The following POF1B variants were observed in gnomAD, a reference collection of about 807,000 sequenced individuals.
POF1B encodes POF1B actin binding protein.
A neutral mutation model predicts 55.3 loss-of-function variants in POF1B; 53 were observed. That is an observed-to-expected ratio of 0.96 (90% CI 0.77 to 1.20). The LOEUF (loss-of-function observed/expected upper bound fraction) is 1.20. Among genes scored for constraint, POF1B ranks in the 50% most tolerant of loss-of-function variants. The pLI, the probability that POF1B is intolerant of heterozygous loss-of-function variation, is 0.00. For missense variants in POF1B, 478 were observed against 420.5 expected (o/e 1.14, Z -1.20); for synonymous variants, 188 against 148.3 (o/e 1.27, Z -1.95).
At chrX:85,339,742 A>C (rs140044357) in intron 6 of POF1B, among the ~76,000 whole-genome samples, 6 of 111,209 alleles carry the variant, frequency 5.4e-5, no homozygotes, top group Non-Finnish European at 1.1e-4. Context: ...TTATAAGTCA[A>C]TAGAATGGTA....
At chrX:85,293,819 A>G (rs981341392) in intron 15 of POF1B, among the ~76,000 whole-genome samples, 1 of 110,540 alleles carries the variant, frequency 9.0e-6, no homozygotes, top group Non-Finnish European at 1.9e-5. Context: ...CTAAAAATAC[A>G]AAAAATTAGC....
intron 15 of POF1B, among the ~76,000 whole-genome samples, chrX:85,283,390 A>T (rs1931953805): frequency 9.0e-6 from 1 of 110,998 alleles, no homozygotes; most frequent in Admixed American, 9.7e-5. Context: ...AGAGAAATAG[A>T]TAATATAAAA....
intron 4 of POF1B, among the ~76,000 whole-genome samples, chrX:85,356,655 C>A (rs887719441): frequency 2.7e-5 from 3 of 110,668 alleles, no homozygotes; most frequent in Non-Finnish European, 3.8e-5. Context: ...AATAAGTCAA[C>A]AAAATAAATT....
chrX:85,358,838 T>C (rs1187946296), intron 4 of POF1B, among the ~76,000 whole-genome samples: 1 of 110,964 alleles, frequency 9.0e-6, no homozygotes, highest in East Asian at 2.8e-4. Flanking sequence ...AAAAAAGGAA[T>C]CTACTTAGAT....
chrX:85,336,659 T>A (rs751732817), intron 6 of POF1B, among the ~76,000 whole-genome samples: 1 of 111,401 alleles, frequency 9.0e-6, no homozygotes, highest in East Asian at 2.8e-4. Context: ...AATTAAATTA[T>A]TAGATTTTTT....
chrX:85,335,563 C>A (rs1001511548), intron 6 of POF1B, among the ~76,000 whole-genome samples: 1 of 110,827 alleles, frequency 9.0e-6, no homozygotes, highest in Admixed American at 9.6e-5. Flanking sequence ...CCAGGAGTAG[C>A]AATTCTAACA....
chrX:85,311,922 G>T (rs1444168319), intron 9 of POF1B, among the ~76,000 whole-genome samples: 1 of 112,167 alleles, frequency 8.9e-6, no homozygotes, highest in Non-Finnish European at 1.9e-5. Context: ...TTTCTCTAAT[G>T]ACCAGTGATG....
intron 6 of POF1B, among the ~76,000 whole-genome samples, chrX:85,339,293 C>T (rs775568420): frequency 6.2e-4 from 68 of 110,460 alleles, no homozygotes; most frequent in African/African-American, 2.1e-3. Context: ...ATGGGAAAGA[C>T]CTGTCCCCAT....
At chrX:85,280,182 T>A (rs1015715614) in intron 16 of POF1B, among the ~76,000 whole-genome samples, 3 of 111,585 alleles carry the variant, frequency 2.7e-5, no homozygotes, top group Admixed American at 9.5e-5. Flanking sequence ...AGAAACTTTT[T>A]GAATTTTTTT....
chrX:85,314,542 C>T (rs755767158), intron 8 of POF1B, 36 bp from the exon 9 acceptor site: 4 of 1,030,281 alleles, frequency 3.9e-6, no homozygotes, highest in South Asian at 2.4e-5. Context: ...GGAACAGATA[C>T]ATATCAATCT....
intron 2 of POF1B, among the ~76,000 whole-genome samples, chrX:85,369,728 G>A (rs1220288215): frequency 8.9e-6 from 1 of 111,774 alleles, no homozygotes; most frequent in African/African-American, 3.2e-5. Context: ...TGTGCAACAT[G>A]TTTCTTTAGA....
At chrX:85,335,570 A>G (rs764043759) in intron 6 of POF1B, among the ~76,000 whole-genome samples, 140 of 111,511 alleles carry the variant, frequency 1.3e-3, no homozygotes, top group Non-Finnish European at 2.3e-3. Context: ...TAGCAATTCT[A>G]ACAAGAGAAA....
chrX:85,302,718 C>T (rs951758235), intron 15 of POF1B, among the ~76,000 whole-genome samples: 2 of 111,823 alleles, frequency 1.8e-5, no homozygotes, highest in African/African-American at 6.5e-5. Context: ...TATATCCATA[C>T]AACTGGATAT....
intron 2 of POF1B, among the ~76,000 whole-genome samples, chrX:85,368,067 T>G (rs1462512657): frequency 4.5e-5 from 5 of 112,149 alleles, no homozygotes; most frequent in African/African-American, 1.6e-4. Flanking sequence ...AATGTTATTA[T>G]ATGTTTGCAA....
chrX:85,366,976 C>T (rs1038733967), intron 3 of POF1B, among the ~76,000 whole-genome samples: 4 of 111,362 alleles, frequency 3.6e-5, no homozygotes, highest in Non-Finnish European at 1.9e-5. Flanking sequence ...TGTCTCCTCA[C>T]TGTCCAAGTT....
chrX:85,343,294 T>C (rs1933210912), intron 6 of POF1B, among the ~76,000 whole-genome samples: 1 of 111,125 alleles, frequency 9.0e-6, no homozygotes, highest in South Asian at 3.7e-4. Flanking sequence ...CAAACTACAG[T>C]ATGAATAATA....
chrX:85,306,004 TTAAA>T (rs762710507), intron 12 of POF1B, 94 bp from the exon 13 acceptor site: 357 of 1,034,804 alleles, frequency 3.4e-4, no homozygotes, highest in Non-Finnish European at 4.4e-4. Flanking sequence ...AACCACATGA[TTAAA>T]TAAGACATTG....
chrX:85,345,153 T>C (rs1933245508), intron 6 of POF1B, among the ~76,000 whole-genome samples: 1 of 111,182 alleles, frequency 9.0e-6, no homozygotes, highest in Admixed American at 9.6e-5. Context: ...TCTAGAAAAA[T>C]ACAAGTGATG....
intron 15 of POF1B, among the ~76,000 whole-genome samples, chrX:85,301,340 T>C (rs888537198): frequency 1.8e-5 from 2 of 111,888 alleles, no homozygotes; most frequent in African/African-American, 6.5e-5. Context: ...GGCAATGGGA[T>C]GACATATTCC....
Sources: gnomAD v4.1 joint callset for allele counts (sites outside exome capture counted in the v4.1 genomes callset) on GRCh38, gnomAD v4.1.1 for gene constraint, MANE v1.5 for transcripts, NCBI Gene and HGNC (gene_info 2026-07-23, HGNC 2026-07-21) for gene names.